STK32A: variants seen among roughly 807,000 people sequenced by gnomAD.
The protein encoded by STK32A is serine/threonine kinase 32A.
In STK32A, 41 loss-of-function variants were observed where a neutral mutation model predicts 53.2. That is an observed-to-expected ratio of 0.77 (90% CI 0.60 to 1.00). The LOEUF is 1.00. STK32A is among the 50% of genes least tolerant of loss of function. STK32A has a pLI of 0.00. For synonymous variants in STK32A, 166 were observed against 162.8 expected (o/e 1.02, Z -0.15); for missense variants, 458 against 485.8 (o/e 0.94, Z 0.54).
chr5:147,297,177 C>T (rs1044830580), intron 4 of STK32A, among the ~76,000 whole-genome samples: 12 of 152,052 alleles, frequency 7.9e-5, no homozygotes, highest in African/African-American at 2.9e-4. Flanking sequence ...CCAAAGACAG[C>T]TCAAAGAAAC....
intron 1 of STK32A, among the ~76,000 whole-genome samples, chr5:147,235,544 C>T (rs537581708): frequency 1.3e-5 from 2 of 152,304 alleles, no homozygotes; most frequent in East Asian, 3.9e-4. Flanking sequence ...TCCCCCAGGA[C>T]TTAAAAAATA....
chr5:147,384,195 A>G lies in STK32A; in HGVS notation c.*212A>G. The G allele has an allele frequency of 2.8e-6, 4 of 1,417,446 alleles. No homozygotes were observed. The highest frequency in any genetic ancestry group is 3.7e-6 in the Non-Finnish European group (4 of 1,095,066). The allele number at this position is 1,417,446 out of a possible 1,614,324, so 87.8% of individuals were successfully genotyped here. A position where few individuals can be genotyped will look rare whatever the true frequency, so the allele number is the denominator to read the frequency against. Reference sequence around the variant, plus strand: ...CACATCAATCAACTGTGTGATCTAGAGCAAGTCACTTAGCCACTTTCTGTG... The same window carrying G: ...CACATCAATCAACTGTGTGATCTAGGGCAAGTCACTTAGCCACTTTCTGTG... On this transcript the variant is annotated 3_prime_UTR_variant, in exon 13 of 13. Transcript: ENST00000397936.
the STK32A span, chr5:147,394,120 G>A: frequency 6.2e-7 from 1 of 1,613,998 alleles, no homozygotes; most frequent in Admixed American, 1.7e-5. Flanking sequence ...ATCCACTTGG[G>A]TGCCTACAGT....
At chr5:147,332,822 G>A (rs1754939275) in intron 5 of STK32A, among the ~76,000 whole-genome samples, 1 of 152,194 alleles carries the variant, frequency 6.6e-6, no homozygotes, top group South Asian at 2.1e-4. Flanking sequence ...ATTACACATT[G>A]TGAAAACAGG....
chr5:147,297,525 C>T (rs1453843665), intron 4 of STK32A, among the ~76,000 whole-genome samples: 3 of 152,174 alleles, frequency 2.0e-5, no homozygotes, highest in African/African-American at 7.2e-5. Context: ...GAGATCCAAG[C>T]AGGCAGTTTG....
chr5:147,348,818 A>C, intron 6 of STK32A: 2 of 714,342 alleles, frequency 2.8e-6, no homozygotes, highest in East Asian at 5.4e-5. Flanking sequence ...TTAAACGCTT[A>C]CTTCTTGCCA....
At position 147,279,272 on chromosome 5, in the gene STK32A, C is replaced by T. The variant is rs776005093; in HGVS notation, c.134C>T (p.Thr45Ile). 162 of 1,613,604 alleles carry T rather than the reference C, an allele frequency of 1.0e-4. 1 individual carries two copies. Among genetic ancestry groups the T allele is most frequent in the Non-Finnish European group, 1.3e-4 (155 of 1,179,784 alleles). Residue 45 changes from threonine to isoleucine, a missense_variant, in exon 4 of 13, where the codon ACC becomes ATC. Coordinates refer to ENST00000397936, the MANE Select transcript of STK32A (RefSeq NM_001112724.2). ...GTCTGCATTGTACAGAAGAATGATA[C>T]CAAGAAGATGTACGCAATGAAGTAC... ...GKVCIVQKND[T>I]KKMYAMKYMN...
intron 2 of STK32A, among the ~76,000 whole-genome samples, chr5:147,258,499 A>T (rs985162267): frequency 6.6e-6 from 1 of 152,140 alleles, no homozygotes; most frequent in Admixed American, 6.5e-5. Flanking sequence ...CTTTTAAATT[A>T]TACAACATTT....
At chr5:147,332,579 TG>T (rs1754924483) in intron 5 of STK32A, among the ~76,000 whole-genome samples, 1 of 152,196 alleles carries the variant, frequency 6.6e-6, no homozygotes, top group Non-Finnish European at 1.5e-5. Flanking sequence ...TAATAGACTT[TG>T]GTTTTAGGCT....
rs1259809103 is a variant in STK32A, at chr5:147,384,428, G to T, written c.*445G>T. The T allele has an allele frequency of 6.5e-7, 1 of 1,534,296 alleles. No individual in the cohort carries two copies. The highest frequency in any genetic ancestry group is 1.2e-5 in the South Asian group (1 of 83,874). ...CAGTGAGACTTTTCAGACCTCGAAA[G>T]TTTCATAAAGTGGTCAGAATGCCCC... On this transcript the variant is annotated 3_prime_UTR_variant, in exon 13 of 13. Coordinates refer to ENST00000397936, the MANE Select transcript of STK32A (RefSeq NM_001112724.2).
chr5:147,289,299 T>C lies in STK32A; in HGVS notation c.260+9901T>C, dbSNP rs77117308. ...TTTACCACCCGAAAGCATTAAAAGC[T>C]TAAGAAGCATTGTATTATTTATAAA... On this transcript the variant is annotated intron_variant, in intron 4 of 12. Transcript: ENST00000397936. 5.1e-3 allele frequency among the ~76,000 whole-genome samples: 770 copies of C among 152,314 alleles called. 7 individuals carry two copies. Among genetic ancestry groups the C allele is most frequent in the African/African-American group, 0.018 (731 of 41,574 alleles).
At chr5:147,333,290 T>C (rs1054237428) in intron 5 of STK32A, among the ~76,000 whole-genome samples, 1 of 152,212 alleles carries the variant, frequency 6.6e-6, no homozygotes, top group Non-Finnish European at 1.5e-5. Flanking sequence ...TATCAGGGCG[T>C]AACCCATTGC....
At chr5:147,255,762 T>C (rs1754206096) in intron 2 of STK32A, among the ~76,000 whole-genome samples, 4 of 152,236 alleles carry the variant, frequency 2.6e-5, no homozygotes, top group African/African-American at 7.2e-5. Context: ...GCATCTCTAG[T>C]GTAGTTAATA....
At chr5:147,244,596 C>G (rs1369838956) in intron 2 of STK32A, among the ~76,000 whole-genome samples, 2 of 152,114 alleles carry the variant, frequency 1.3e-5, no homozygotes, top group Non-Finnish European at 1.5e-5. Flanking sequence ...TGAGAAGAGT[C>G]AAAGAGGATA....
At chr5:147,363,115 C>CGAAA (rs1561748300) in intron 8 of STK32A, among the ~76,000 whole-genome samples, 1 of 150,724 alleles carries the variant, frequency 6.6e-6, no homozygotes, top group African/African-American at 2.4e-5. Context: ...AACAAACAAA[C>CGAAA]AAAAAACAAG....
At chr5:147,272,124 G>A (rs10477334) in intron 2 of STK32A, among the ~76,000 whole-genome samples, 89,341 of 151,792 alleles carry the variant, frequency 0.59, 26,650 homozygotes, top group African/African-American at 0.67. Context: ...GCTGATGCTT[G>A]GGGAAAATAG....
At chr5:147,243,089 A>AGG (rs1561663378) in intron 2 of STK32A, among the ~76,000 whole-genome samples, 1,726 of 129,834 alleles carry the variant, frequency 0.013, 140 homozygotes, top group Admixed American at 0.016. Flanking sequence ...AAGAATCCCA[A>AGG]TATGTGATTT....
At chr5:147,400,696 G>T in the STK32A span, 1 of 1,613,922 alleles carries the variant, frequency 6.2e-7, no homozygotes, top group Admixed American at 1.7e-5. Context: ...CCTTACCACA[G>T]CCTTGTCCCA....
chr5:147,395,027 A>T, the STK32A span, among the ~76,000 whole-genome samples: 30 of 152,232 alleles, frequency 2.0e-4, no homozygotes, highest in Non-Finnish European at 3.8e-4. Context: ...GTTCGTAAAG[A>T]ATAGGTAAGA....
Sources: allele counts gnomAD v4.1 joint callset (sites outside exome capture counted in the v4.1 genomes callset), GRCh38; gene constraint gnomAD v4.1.1; transcripts MANE v1.5; gene names NCBI Gene and HGNC (gene_info 2026-07-23, HGNC 2026-07-21).